ALG9: variants seen among roughly 807,000 people sequenced by gnomAD.
ALG9 encodes the protein ALG9 alpha-1,2-mannosyltransferase, also known as alpha-1,2-mannosyltransferase ALG9.
A neutral mutation model predicts 81.8 loss-of-function variants in ALG9; 55 were observed. That is an observed-to-expected ratio of 0.67 (90% CI 0.54 to 0.84). The LOEUF (loss-of-function observed/expected upper bound fraction) is 0.84. Among genes scored for constraint, ALG9 ranks in the 40% least tolerant of loss-of-function variants. ALG9 has a pLI of 0.00. For synonymous variants in ALG9, 278 were observed against 274.3 expected (o/e 1.01, Z -0.13); for missense variants, 629 against 745.0 (o/e 0.84, Z 1.81).
At chr11:111,855,897 T>G (rs1958585429) in intron 6 of ALG9, among the ~76,000 whole-genome samples, 1 of 152,054 alleles carries the variant, frequency 6.6e-6, no homozygotes. Flanking sequence ...TTAAGAAATT[T>G]TAAAATGGAC....
intron 8 of ALG9, among the ~76,000 whole-genome samples, chr11:111,852,023 T>C (rs1345102270): frequency 6.6e-6 from 1 of 152,216 alleles, no homozygotes; most frequent in Non-Finnish European, 1.5e-5. Flanking sequence ...TTCCCAAAAT[T>C]CCAGAAGACT....
At chr11:111,839,191 A>G (rs772696636) in intron 10 of ALG9, among the ~76,000 whole-genome samples, 41 of 152,198 alleles carry the variant, frequency 2.7e-4, no homozygotes, top group Non-Finnish European at 5.9e-4. Flanking sequence ...AAGTCAATAT[A>G]TTACATATTA....
chr11:111,786,932 G>T (rs868935818), intron 14 of ALG9, among the ~76,000 whole-genome samples: 12 of 152,134 alleles, frequency 7.9e-5, no homozygotes, highest in African/African-American at 2.9e-4. Flanking sequence ...AGTTTTCCTG[G>T]AAAGGGCAAG....
At position 111,871,441 on chromosome 11, in the gene ALG9, CCCG is replaced by C; in HGVS notation, c.39_41del (p.Ser13_Gly14delinsArg). ...CCGGGGCCGTATCCCCACTGCTGGC[CCCG>C]CTGCCCTTCAGGCGCTGCCGAGCCC... is the stretch of plus-strand genomic sequence containing the variant. On this transcript the variant is annotated inframe_deletion, in exon 1 of 15. Coordinates refer to ENST00000616540, the MANE Select transcript of ALG9 (RefSeq NM_024740.2). 1 of 1,536,638 alleles carries C rather than the reference CCCG, an allele frequency of 6.5e-7. No homozygotes were observed. The highest frequency in any genetic ancestry group is 8.7e-7 in the Non-Finnish European group (1 of 1,146,710).
Position 111,786,420 on chromosome 11 carries a change from T to C in ALG9, c.1834A>G (p.Ile612Val). ...TGCTAACCTCCACTTTTCTTCCTGA[T>C]TTGCTTTGCTTTCCGGGGTTTGAGG... Reference protein sequence around the residue: ...TILKPRKAKQIRKKSGG With the variant: ...TILKPRKAKQVRKKSGG Residue 612 changes from isoleucine (I) to valine (V), a missense_variant, in exon 15 of 15, where the codon ATC (isoleucine) becomes GTC (valine). This residue lies in a region of ALG9 where 264 missense variants were observed against 302.2 expected (regional missense o/e 0.87). Transcript: ENST00000616540. 6.2e-7 allele frequency: 1 copy of C among 1,614,076 alleles called. No individual in the cohort carries two copies. The highest frequency in any genetic ancestry group is 8.5e-7 in the Non-Finnish European group (1 of 1,179,976).
chr11:111,821,352 A>T (rs1372173473), intron 13 of ALG9, among the ~76,000 whole-genome samples: 1 of 152,256 alleles, frequency 6.6e-6, no homozygotes, highest in South Asian at 2.1e-4. Context: ...TCCCCAGAGC[A>T]GCACCAAAAG....
intron 13 of ALG9, among the ~76,000 whole-genome samples, chr11:111,816,688 C>G (rs931770450): frequency 4.6e-5 from 7 of 152,162 alleles, no homozygotes; most frequent in Non-Finnish European, 8.8e-5. Context: ...TCCCAAGTAG[C>G]TGGGACCACA....
chr11:111,780,595 C>T (rs918107295), downstream of ALG9, among the ~76,000 whole-genome samples: 2 of 151,978 alleles, frequency 1.3e-5, no homozygotes, highest in African/African-American at 4.8e-5. Flanking sequence ...GGGGGTTTCA[C>T]CGTGTAGGCC....
intron 14 of ALG9, among the ~76,000 whole-genome samples, chr11:111,808,519 A>C (rs1276918020): frequency 1.3e-5 from 2 of 152,230 alleles, no homozygotes; most frequent in African/African-American, 4.8e-5. Flanking sequence ...CCTCAGTTTC[A>C]GTAATTAGGG....
rs1472127965 is a variant in ALG9 at position 111,838,300 on chromosome 11, C to T, written c.1273G>A (p.Val425Ile). The T allele has an allele frequency of 1.2e-5, 19 of 1,614,034 alleles. No homozygotes were observed. Among genetic ancestry groups the T allele is most frequent in the Admixed American group, 1.7e-5 (1 of 60,008 alleles). Residue 425 changes from valine (V) to isoleucine (I), a missense_variant, in exon 11 of 15, where the codon GTC (valine) becomes ATC (isoleucine). Val to Ile is a conservative substitution (Grantham distance 29). Coordinates refer to ENST00000616540, the MANE Select transcript of ALG9 (RefSeq NM_024740.2). ...AATGACAAGAGCCCAAACAGGAAGA[C>T]AGTTCCTAATGCCAGCCAATTCGAT... ...VTSNWLALGT[V>I]FLFGLLSFSR... is the part of the protein sequence containing the mutation.
In ALG9 at chr11:111,853,369, C is replaced by G; in HGVS notation, c.895+11G>C. 2 of 1,609,016 alleles carry G rather than the reference C, an allele frequency of 1.2e-6. No homozygotes were observed. Among genetic ancestry groups the G allele is most frequent in the Non-Finnish European group, 1.7e-6 (2 of 1,175,620 alleles). ...TCTCCTAACACTTGCCCAAATTTCA[C>G]AAAGCCTTACCATAAAGATCAGGTC... is the stretch of plus-strand genomic sequence containing the variant. On this transcript the variant is annotated intron_variant, in intron 8 of 14. Transcript: ENST00000616540.
intron 13 of ALG9, among the ~76,000 whole-genome samples, chr11:111,813,696 G>A (rs990150083): frequency 1.3e-5 from 2 of 152,152 alleles, no homozygotes; most frequent in South Asian, 4.1e-4. Context: ...ACGGGCAAGT[G>A]ACTTAGGTAC....
chr11:111,829,936 A>G (rs1954066288), intron 13 of ALG9, among the ~76,000 whole-genome samples: 1 of 152,238 alleles, frequency 6.6e-6, no homozygotes, highest in African/African-American at 2.4e-5. Flanking sequence ...GTCTCAAGAT[A>G]AACTGTGCTG....
At chr11:111,848,590 C>CAAAAAAAA (rs60317912) in intron 8 of ALG9, among the ~76,000 whole-genome samples, 1 of 50,228 alleles carries the variant, frequency 2.0e-5, no homozygotes, top group Non-Finnish European at 4.9e-5. Flanking sequence ...AACTCCATCT[C>CAAAAAAAA]AAAAAAAAAA....
chr11:111,772,074 A>G, the ALG9 span, among the ~76,000 whole-genome samples: 1 of 152,342 alleles, frequency 6.6e-6, no homozygotes, highest in African/African-American at 2.4e-5. Context: ...TAACAAAGGT[A>G]TTGGATTTCC....
At position 111,783,173 on chromosome 11, in the gene ALG9, T is replaced by C. The variant is rs1946097939; in HGVS notation, c.*3224A>G. The C allele has an allele frequency of 6.6e-6, 1 of 152,226 alleles. No individual in the cohort carries two copies. The highest frequency in any genetic ancestry group is 1.5e-5 in the Non-Finnish European group (1 of 68,092). The allele number at this position is 152,226 out of a possible 1,614,324, so 9.4% of individuals were successfully genotyped here. A position where few individuals can be genotyped will look rare whatever the true frequency, so the allele number is the denominator to read the frequency against. On this transcript the variant is annotated 3_prime_UTR_variant, in exon 15 of 15. Transcript: ENST00000616540. The stretch of plus-strand genomic sequence containing the variant: ...TGATCAAAGGCTATTAAAAATTATC[T>C]GGGCCGGGTGCGGTGGCTCATGCCT...
intron 9 of ALG9, among the ~76,000 whole-genome samples, chr11:111,841,999 T>G (rs1034928279): frequency 2.0e-5 from 3 of 152,154 alleles, no homozygotes; most frequent in Non-Finnish European, 4.4e-5. Context: ...CAGGTTCGAA[T>G]GATTCTCCTG....
intron 8 of ALG9, among the ~76,000 whole-genome samples, chr11:111,847,896 T>C (rs368166876): frequency 6.6e-6 from 1 of 152,296 alleles, no homozygotes; most frequent in South Asian, 2.1e-4. Context: ...CCTTCAAAGG[T>C]ATAATTTTCC....
At chr11:111,816,083 C>A (rs1951430452) in intron 13 of ALG9, among the ~76,000 whole-genome samples, 1 of 152,172 alleles carries the variant, frequency 6.6e-6, no homozygotes, top group African/African-American at 2.4e-5. Flanking sequence ...CATCTTCTTG[C>A]CTCTTCACAA....
Sources: gnomAD v4.1 joint callset for allele counts (sites outside exome capture counted in the v4.1 genomes callset) on GRCh38, gnomAD v4.1.1 for gene constraint, gnomAD v4.1.1 regional missense constraint, MANE v1.5 for transcripts, NCBI Gene and HGNC (gene_info 2026-07-23, HGNC 2026-07-21) for gene names.